Variants in ADK observed in about 807,000 individuals in gnomAD.
ADK encodes the protein N6,N6-dimethyladenosine kinase.
In ADK, 24 loss-of-function variants were observed where a neutral mutation model predicts 44.7. That is an observed-to-expected ratio of 0.54 (90% confidence interval 0.39 to 0.76). The LOEUF (loss-of-function observed/expected upper bound fraction) is 0.76, where lower values mean the gene tolerates loss of function less well. Among genes scored for constraint, ADK ranks in the 30% least tolerant of loss-of-function variants. The pLI, the probability that ADK is intolerant of heterozygous loss-of-function variation, is 0.00. For synonymous variants in ADK, 128 were observed against 142.6 expected (o/e 0.90, Z 0.73); for missense variants, 321 against 425.1 (o/e 0.76, Z 2.15).
intron 5 of ADK, among the ~76,000 whole-genome samples, chr10:74,395,302 C>T (rs1429322429): frequency 2.6e-5 from 4 of 152,168 alleles, no homozygotes; most frequent in South Asian, 2.1e-4. Flanking sequence ...TCTATTTACC[C>T]ACTTTATTGC....
At chr10:74,503,731 G>A (rs1431948008) in intron 6 of ADK, among the ~76,000 whole-genome samples, 2 of 152,116 alleles carry the variant, frequency 1.3e-5, no homozygotes, top group African/African-American at 2.4e-5. Flanking sequence ...AATTTTTGTG[G>A]AAGGTTTAAG....
chr10:74,557,395 A>G (rs1850297032), intron 7 of ADK, among the ~76,000 whole-genome samples: 1 of 152,222 alleles, frequency 6.6e-6, no homozygotes, highest in Non-Finnish European at 1.5e-5. Context: ...AATTTGCAAC[A>G]AAGTAGAATA....
intron 2 of ADK, among the ~76,000 whole-genome samples, chr10:74,220,826 A>C (rs1051433940): frequency 5.3e-5 from 8 of 152,162 alleles, no homozygotes; most frequent in Admixed American, 2.0e-4. Flanking sequence ...ACAACCCTTC[A>C]TGCTAAAAAT....
intron 6 of ADK, among the ~76,000 whole-genome samples, chr10:74,487,445 A>G (rs1847304700): frequency 6.6e-6 from 1 of 151,890 alleles, no homozygotes; most frequent in Non-Finnish European, 1.5e-5. Context: ...TATTTATTTT[A>G]TGAAATATTT....
chr10:74,209,547 T>G (rs11000922), intron 2 of ADK, among the ~76,000 whole-genome samples: 18,411 of 152,136 alleles, frequency 0.12, 1,135 homozygotes, highest in Middle Eastern at 0.2. Flanking sequence ...ATATACTGAT[T>G]AGTATCTTAC....
chr10:74,479,863 T>G (rs1039243720), intron 6 of ADK, among the ~76,000 whole-genome samples: 4 of 152,168 alleles, frequency 2.6e-5, no homozygotes, highest in African/African-American at 7.2e-5. Context: ...ATTGTATTAC[T>G]TCTACTTTGT....
chr10:74,649,488 G>A (rs1854181103), intron 9 of ADK, among the ~76,000 whole-genome samples: 1 of 151,970 alleles, frequency 6.6e-6, no homozygotes, highest in African/African-American at 2.4e-5. Context: ...AGCCAGGTAT[G>A]ATGGCAAGCA....
chr10:74,498,175 C>A (rs1393307529), intron 6 of ADK, among the ~76,000 whole-genome samples: 2 of 152,198 alleles, frequency 1.3e-5, no homozygotes, highest in African/African-American at 4.8e-5. Context: ...AGGCATGAGC[C>A]ACTGCGCCTG....
intron 6 of ADK, among the ~76,000 whole-genome samples, chr10:74,432,902 AT>A (rs1298434479): frequency 1.3e-5 from 2 of 152,184 alleles, no homozygotes; most frequent in African/African-American, 4.8e-5. Context: ...ATGTCTAAAT[AT>A]TTAGGTATTT....
chr10:74,180,502 C>T (rs1211111333), intron 1 of ADK, among the ~76,000 whole-genome samples: 1 of 147,422 alleles, frequency 6.8e-6, no homozygotes, highest in Admixed American at 6.8e-5. Context: ...CTCTGTCACC[C>T]AGGCTGGAGT....
intron 6 of ADK, among the ~76,000 whole-genome samples, chr10:74,401,594 G>C (rs747408064): frequency 4.0e-5 from 6 of 151,168 alleles, no homozygotes; most frequent in South Asian, 2.1e-4. Context: ...CCATTTGCTT[G>C]GTAGATCTTC....
intron 4 of ADK, among the ~76,000 whole-genome samples, chr10:74,346,633 G>C (rs905285824): frequency 6.6e-6 from 1 of 152,038 alleles, no homozygotes; most frequent in South Asian, 2.1e-4. Flanking sequence ...TGCAGCTACC[G>C]ATTTGGGAAA....
chr10:74,272,129 C>G (rs1177088024), intron 3 of ADK, among the ~76,000 whole-genome samples: 6 of 152,060 alleles, frequency 3.9e-5, no homozygotes, highest in African/African-American at 1.4e-4. Flanking sequence ...TTTTGCATTA[C>G]TTAATGTTAT....
intron 7 of ADK, among the ~76,000 whole-genome samples, chr10:74,536,768 T>G (rs903474610): frequency 6.6e-6 from 1 of 152,208 alleles, no homozygotes; most frequent in African/African-American, 2.4e-5. Context: ...AAAAGTTGTC[T>G]GACTTAATTT....
intron 3 of ADK, among the ~76,000 whole-genome samples, chr10:74,303,168 C>G (rs1840117695): frequency 6.6e-6 from 1 of 152,062 alleles, no homozygotes; most frequent in Admixed American, 6.6e-5. Context: ...AGATAATCAC[C>G]TATGTATTTT....
intron 6 of ADK, among the ~76,000 whole-genome samples, chr10:74,472,308 T>C (rs1846622894): frequency 6.6e-6 from 1 of 152,204 alleles, no homozygotes; most frequent in Non-Finnish European, 1.5e-5. Context: ...GCTTTTCATA[T>C]ACAGTCTTTA....
At chr10:74,470,174 G>A (rs565331931) in intron 6 of ADK, among the ~76,000 whole-genome samples, 1 of 151,756 alleles carries the variant, frequency 6.6e-6, no homozygotes, top group Non-Finnish European at 1.5e-5. Flanking sequence ...ACAGGTGCGC[G>A]CAACCACACC....
At chr10:74,264,916 T>C (rs560911531) in intron 3 of ADK, among the ~76,000 whole-genome samples, 2 of 152,328 alleles carry the variant, frequency 1.3e-5, no homozygotes, top group Admixed American at 1.3e-4. Context: ...TCTGTTCCAT[T>C]GGTCTATTTG....
intron 6 of ADK, among the ~76,000 whole-genome samples, chr10:74,424,238 G>T (rs1373273093): frequency 6.6e-6 from 1 of 151,962 alleles, no homozygotes; most frequent in Non-Finnish European, 1.5e-5. Context: ...TTAAACACTT[G>T]TCTAAAGAAA....
Sources: allele counts gnomAD v4.1 joint callset (sites outside exome capture counted in the v4.1 genomes callset), GRCh38; gene constraint gnomAD v4.1.1; transcripts MANE v1.5; gene names NCBI Gene and HGNC (gene_info 2026-07-23, HGNC 2026-07-21).